AMZ1: variants seen among roughly 807,000 people sequenced by gnomAD.
AMZ1 encodes the protein archaemetzincin-1.
AMZ1 carries 39 observed loss-of-function variants against 29.9 expected under a neutral mutation model. That is an observed-to-expected ratio of 1.30 (90% CI 1.01 to 1.70). The LOEUF (loss-of-function observed/expected upper bound fraction) is 1.70. AMZ1 is among the 40% of genes most tolerant of loss of function. The probability of loss-of-function intolerance (pLI) is 0.00; values close to 1 mark genes in which losing one functional copy is unlikely to be tolerated. For synonymous variants in AMZ1, 458 were observed against 304.0 expected, an observed-to-expected ratio of 1.51 and a Z score of -5.27; for missense variants, 1,041 against 680.6, an observed-to-expected ratio of 1.53 and a Z score of -5.89.
chr7:2,707,935 C>T (rs779445961), intron 3 of AMZ1, among the ~76,000 whole-genome samples: 12 of 129,852 alleles, frequency 9.2e-5, no homozygotes, highest in African/African-American at 2.0e-4. Context: ...GCAATTCTCC[C>T]GTCTCAGACT....
intron 4 of AMZ1, chr7:2,730,317 T>G (rs1297380964): frequency 1.3e-5 from 2 of 152,526 alleles, no homozygotes; most frequent in African/African-American, 4.8e-5. Flanking sequence ...TCTGTGTCTT[T>G]GCCGTTGGGT....
At chr7:2,724,828 TGA>T (rs1789556602) in intron 4 of AMZ1, among the ~76,000 whole-genome samples, 1 of 152,098 alleles carries the variant, frequency 6.6e-6, no homozygotes, top group African/African-American at 2.4e-5. Flanking sequence ...GCCGGGCGCG[TGA>T]GAGTCTCACA....
At chr7:2,756,283 A>C (rs1230029381) in intron 4 of AMZ1, among the ~76,000 whole-genome samples, 1 of 152,190 alleles carries the variant, frequency 6.6e-6, no homozygotes, top group Non-Finnish European at 1.5e-5. Flanking sequence ...AGGATCAGAA[A>C]ATCAAAAAAG....
chr7:2,753,452 G>C (rs534351045), intron 4 of AMZ1, among the ~76,000 whole-genome samples: 1 of 152,174 alleles, frequency 6.6e-6, no homozygotes, highest in Admixed American at 6.5e-5. Flanking sequence ...GTGGCCTTTG[G>C]AAGTTGGCTT....
At chr7:2,706,123 A>C (rs983434665) in intron 3 of AMZ1, among the ~76,000 whole-genome samples, 1 of 152,228 alleles carries the variant, frequency 6.6e-6, no homozygotes, top group Non-Finnish European at 1.5e-5. Context: ...GTTCAAAAGC[A>C]GGTGGAACTC....
downstream of AMZ1, among the ~76,000 whole-genome samples, chr7:2,720,956 G>A (rs1032013931): frequency 9.9e-5 from 15 of 152,226 alleles, no homozygotes; most frequent in Admixed American, 7.2e-4. Flanking sequence ...CTGGATTACA[G>A]GTGTGAGTCA....
rs902855850 is a variant in AMZ1 at position 2,717,046 on chromosome 7, G to T, written c.*4168G>T. On this transcript the variant is annotated 3_prime_UTR_variant, in exon 7 of 7. Coordinates refer to ENST00000683327, the MANE Select transcript of AMZ1 (RefSeq NM_001384743.1). ...CACGGACGCGGGAGGCCTGCACCCT[G>T]ATCCCTGAGCAGCCCCCACACACCG... 1.3e-5 allele frequency among the ~76,000 whole-genome samples: 2 copies of T among 152,142 alleles called. No homozygotes were observed. The highest frequency in any genetic ancestry group is 4.8e-5 in the African/African-American group (2 of 41,416).
At chr7:2,756,119 GA>G (rs1230988022) in intron 4 of AMZ1, among the ~76,000 whole-genome samples, 1 of 152,138 alleles carries the variant, frequency 6.6e-6, no homozygotes, top group Non-Finnish European at 1.5e-5. Context: ...CAACCGAATA[GA>G]AATGAGAGTG....
At chr7:2,736,045 C>T (rs79817374) in intron 4 of AMZ1, among the ~76,000 whole-genome samples, 2,559 of 152,252 alleles carry the variant, frequency 0.017, 29 homozygotes, top group Middle Eastern at 0.031. Flanking sequence ...GCCCACGGGA[C>T]GATCGTTTGC....
At chr7:2,745,860 G>T (rs1306106183) in intron 4 of AMZ1, among the ~76,000 whole-genome samples, 1 of 152,014 alleles carries the variant, frequency 6.6e-6, no homozygotes, top group African/African-American at 2.4e-5. Flanking sequence ...AAAACGCAGG[G>T]GTTGCAATCC....
intron 1 of AMZ1, among the ~76,000 whole-genome samples, chr7:2,689,370 T>TGGA (rs140900828): frequency 6.7e-6 from 1 of 149,566 alleles, no homozygotes; most frequent in East Asian, 2.0e-4. Context: ...AGAACCTCCC[T>TGGA]GGGGGGGGGA....
chr7:2,735,230 C>CTGT (rs1790106981), intron 4 of AMZ1, among the ~76,000 whole-genome samples: 1 of 152,252 alleles, frequency 6.6e-6, no homozygotes, highest in Non-Finnish European at 1.5e-5. Flanking sequence ...CATCAGCATA[C>CTGT]TGTCCCTCCC....
intron 4 of AMZ1, among the ~76,000 whole-genome samples, chr7:2,735,960 T>G (rs1583210020): frequency 1.3e-5 from 2 of 152,164 alleles, no homozygotes; most frequent in Admixed American, 6.5e-5. Flanking sequence ...ATCCGCACTC[T>G]TGCTGTCCCT....
At chr7:2,737,665 C>G (rs776927375) in intron 4 of AMZ1, among the ~76,000 whole-genome samples, 6 of 152,164 alleles carry the variant, frequency 3.9e-5, no homozygotes, top group Non-Finnish European at 7.3e-5. Context: ...TGACCGAAAA[C>G]AGGGCTTGTT....
intron 1 of AMZ1, among the ~76,000 whole-genome samples, chr7:2,680,476 A>C (rs1365260618): frequency 6.6e-6 from 1 of 152,154 alleles, no homozygotes; most frequent in African/African-American, 2.4e-5. Flanking sequence ...GCGAAGCCTC[A>C]AGAGGGAGCC....
At chr7:2,686,868 C>A (rs1562353264), upstream of AMZ1, among the ~76,000 whole-genome samples, 1 of 152,050 alleles carries the variant, frequency 6.6e-6, no homozygotes, top group African/African-American at 2.4e-5. Flanking sequence ...GCACCAGCCA[C>A]CACGCCCAGC....
At chr7:2,729,389 G>A (rs1343262512) in intron 4 of AMZ1, 1 of 152,376 alleles carries the variant, frequency 6.6e-6, no homozygotes, top group Non-Finnish European at 1.5e-5. Context: ...TCACATCCGT[G>A]AGGTCTGTGA....
At position 2,700,331 on chromosome 7, in the gene AMZ1, C is replaced by T. The variant is rs1024136900; in HGVS notation, c.-121C>T. 1.3e-5 allele frequency: 15 copies of T among 1,165,080 alleles called. No homozygotes were observed. Among genetic ancestry groups the T allele is most frequent in the African/African-American group, 7.7e-5 (5 of 64,522 alleles). The allele number at this position is 1,165,080 out of a possible 1,614,324, so 72.2% of individuals were successfully genotyped here. A position where few individuals can be genotyped will look rare whatever the true frequency, so the allele number is the denominator to read the frequency against. Reference sequence around the variant, plus strand: ...TGGACCAGTGTCTGTCTGCAGGGAGCCCCCGGTAGCCACTCGGATCAGCCC... The same window carrying T: ...TGGACCAGTGTCTGTCTGCAGGGAGTCCCCGGTAGCCACTCGGATCAGCCC... On this transcript the variant is annotated 5_prime_UTR_variant, in exon 2 of 7. Coordinates refer to ENST00000683327, the MANE Select transcript of AMZ1 (RefSeq NM_001384743.1).
rs1242096040 is a variant in AMZ1 at position 2,719,222 on chromosome 7, G to T, written c.*6344G>T. Among the ~76,000 whole-genome samples the T allele has an allele frequency of 2.0e-5, 3 of 152,144 alleles. No individual in the cohort carries two copies. The highest frequency in any genetic ancestry group is 4.4e-5 in the Non-Finnish European group (3 of 68,022). Reference sequence around the variant, plus strand: ...GCAGGTGGCCCCTGTCGGAAGGGGGGTGTCTCTTTATTCCTGCCATCCTCC... The same window carrying T: ...GCAGGTGGCCCCTGTCGGAAGGGGGTTGTCTCTTTATTCCTGCCATCCTCC... On this transcript the variant is annotated 3_prime_UTR_variant, in exon 7 of 7. Coordinates refer to ENST00000683327, the MANE Select transcript of AMZ1 (RefSeq NM_001384743.1).
Sources: gnomAD v4.1 joint callset for allele counts (sites outside exome capture counted in the v4.1 genomes callset) on GRCh38, gnomAD v4.1.1 for gene constraint, MANE v1.5 for transcripts, NCBI Gene and HGNC (gene_info 2026-07-23, HGNC 2026-07-21) for gene names.